Variants in CDH17 observed in about 807,000 individuals in gnomAD.
The protein encoded by CDH17 is cadherin 17.
CDH17 carries 67 observed loss-of-function variants against 86.3 expected under a neutral mutation model. The ratio of observed to expected loss-of-function variants is 0.78; its 90% CI spans 0.64 to 0.95. The LOEUF is 0.95. Ranked by LOEUF, CDH17 falls within the 40% of genes least tolerant of loss-of-function variation. CDH17 has a pLI of 0.00. For missense variants in CDH17, 993 were observed against 1,017.6 expected (o/e 0.98, Z 0.33); for synonymous variants, 367 against 366.4 (o/e 1.00, Z -0.02).
chr8:94,137,894 C>T (rs1381511457), intron 15 of CDH17, among the ~76,000 whole-genome samples: 1 of 152,072 alleles, frequency 6.6e-6, no homozygotes, highest in African/African-American at 2.4e-5. Flanking sequence ...CTGTATGTGT[C>T]AGAAGATTGG....
chr8:94,151,071 C>T (rs1812846399), intron 13 of CDH17, among the ~76,000 whole-genome samples: 1 of 152,186 alleles, frequency 6.6e-6, no homozygotes, highest in Non-Finnish European at 1.5e-5. Context: ...AATTGTCTGC[C>T]ATTCATAGCC....
At chr8:94,145,316 G>A (rs1302054054) in intron 15 of CDH17, among the ~76,000 whole-genome samples, 1 of 152,174 alleles carries the variant, frequency 6.6e-6, no homozygotes, top group East Asian at 1.9e-4. Flanking sequence ...AAGTACTGAT[G>A]CATGTAACAA....
chr8:94,161,621 T>C (rs1430128458), intron 11 of CDH17, among the ~76,000 whole-genome samples: 1 of 152,216 alleles, frequency 6.6e-6, no homozygotes, highest in African/African-American at 2.4e-5. Context: ...TTCTTTGGCT[T>C]AAGTCAGAGA....
intron 15 of CDH17, among the ~76,000 whole-genome samples, chr8:94,131,698 C>G (rs1025209502): frequency 1.3e-5 from 2 of 151,484 alleles, no homozygotes; most frequent in African/African-American, 4.9e-5. Flanking sequence ...TTTTTTAATA[C>G]TTTGTGCACA....
chr8:94,192,170 C>G (rs1414919566), intron 2 of CDH17, among the ~76,000 whole-genome samples: 1 of 152,160 alleles, frequency 6.6e-6, no homozygotes, highest in East Asian at 1.9e-4. Context: ...ATTGGGGCAA[C>G]AAATCTCTCT....
At chr8:94,144,307 T>C (rs993888131) in intron 15 of CDH17, among the ~76,000 whole-genome samples, 13 of 152,116 alleles carry the variant, frequency 8.5e-5, no homozygotes, top group African/African-American at 2.9e-4. Context: ...AAAATAATTA[T>C]AATAATAACA....
upstream of CDH17, chr8:94,208,683 G>A (rs1814075679): frequency 6.6e-6 from 1 of 151,718 alleles, no homozygotes; most frequent in African/African-American, 2.4e-5. Flanking sequence ...ATCATAAAAA[G>A]TGTCATTACT....
At chr8:94,181,254 GACTTT>G (rs1238925892) in intron 3 of CDH17, among the ~76,000 whole-genome samples, 3 of 152,084 alleles carry the variant, frequency 2.0e-5, no homozygotes. Context: ...ACGATTTCAA[GACTTT>G]ACTTTAAATA....
chr8:94,179,149 C>A (rs942546704), intron 3 of CDH17, among the ~76,000 whole-genome samples: 1 of 151,950 alleles, frequency 6.6e-6, no homozygotes, highest in African/African-American at 2.4e-5. Flanking sequence ...AGCCTCACAC[C>A]ACAGTACCAT....
rs201028445 is a variant in CDH17, at chr8:94,165,850, G to T, written c.1193C>A (p.Thr398Asn). 1.2e-6 allele frequency: 2 copies of T among 1,613,778 alleles called. No individual in the cohort carries two copies. Among genetic ancestry groups the T allele is most frequent in the Non-Finnish European group, 1.7e-6 (2 of 1,179,752 alleles). Reference sequence around the variant, plus strand: ...AGCTAACTGTAACATTCCAGCATAGGTTTGGATTAGGAAGAGTCCATCCAT... The same window carrying T: ...AGCTAACTGTAACATTCCAGCATAGTTTTGGATTAGGAAGAGTCCATCCAT... ...LPMDGLFLIQ[T>N]YAGMLQLAKQ... Residue 398 changes from threonine to asparagine, a missense_variant, in exon 10 of 18, where the codon ACC (threonine) becomes AAC (asparagine). Transcript: ENST00000027335.
chr8:94,152,165 A>C, intron 12 of CDH17, 53 bp from the exon 13 acceptor site: 4 of 1,590,624 alleles, frequency 2.5e-6, no homozygotes, highest in Non-Finnish European at 3.4e-6. Flanking sequence ...CTCCCTTAAA[A>C]GATTCATTCC....
chr8:94,170,286 G>T, intron 9 of CDH17, 111 bp downstream of exon 9: 1 of 1,116,488 alleles, frequency 9.0e-7, no homozygotes, highest in Non-Finnish European at 1.3e-6. Flanking sequence ...CCTCTATGCT[G>T]TGGAAGACAT....
intron 11 of CDH17, among the ~76,000 whole-genome samples, chr8:94,160,471 G>A (rs1193057378): frequency 6.6e-6 from 1 of 152,036 alleles, no homozygotes; most frequent in Non-Finnish European, 1.5e-5. Context: ...GATATAAATA[G>A]CCACCATGTA....
chr8:94,199,173 G>A (rs1412084009), intron 1 of CDH17, among the ~76,000 whole-genome samples: 1 of 148,884 alleles, frequency 6.7e-6, no homozygotes, highest in East Asian at 2.0e-4. Context: ...AACTTATCAG[G>A]TCTCTTCATA....
chr8:94,191,656 G>A (rs1813693295), intron 2 of CDH17, among the ~76,000 whole-genome samples: 1 of 151,988 alleles, frequency 6.6e-6, no homozygotes, highest in African/African-American at 2.4e-5. Flanking sequence ...GTTTCACCAT[G>A]TTGGACAGGC....
intron 2 of CDH17, among the ~76,000 whole-genome samples, chr8:94,193,752 T>G (rs1478836903): frequency 6.6e-6 from 1 of 152,152 alleles, no homozygotes; most frequent in Non-Finnish European, 1.5e-5. Flanking sequence ...AGGCTTCTCA[T>G]AAAGTTTGAA....
chr8:94,203,858 G>A (rs1813970929), intron 1 of CDH17, among the ~76,000 whole-genome samples: 1 of 152,060 alleles, frequency 6.6e-6, no homozygotes, highest in Admixed American at 6.6e-5. Flanking sequence ...GGGAGGGAGG[G>A]ATGAACATAC....
At chr8:94,134,456 G>T (rs185827944) in intron 15 of CDH17, among the ~76,000 whole-genome samples, 31 of 152,268 alleles carry the variant, frequency 2.0e-4, no homozygotes, top group Admixed American at 1.8e-3. Flanking sequence ...GGTGTTTATA[G>T]TATTCTCTGA....
At chr8:94,157,520 A>G (rs916080178) in intron 12 of CDH17, among the ~76,000 whole-genome samples, 3 of 152,214 alleles carry the variant, frequency 2.0e-5, no homozygotes, top group African/African-American at 7.2e-5. Context: ...TAGCTATGAT[A>G]GTCCTTCAGC....
Sources: allele counts gnomAD v4.1 joint callset (sites outside exome capture counted in the v4.1 genomes callset), GRCh38; gene constraint gnomAD v4.1.1; transcripts MANE v1.5; gene names NCBI Gene and HGNC (gene_info 2026-07-23, HGNC 2026-07-21).